The following ZNF277 variants were observed in gnomAD, a reference collection of about 807,000 sequenced individuals.
ZNF277 encodes the protein zinc finger protein 277.
ZNF277 carries 55 observed loss-of-function variants against 60.7 expected under a neutral mutation model. The observed-to-expected ratio is 0.91, with a 90% CI of 0.73 to 1.13. The LOEUF (loss-of-function observed/expected upper bound fraction) is 1.13. ZNF277 is among the 50% of genes most tolerant of loss of function. The pLI, the probability that ZNF277 is intolerant of heterozygous loss-of-function variation, is 0.00. For missense variants in ZNF277, 510 were observed against 523.0 expected, an observed-to-expected ratio of 0.98 and a Z score of 0.24; for synonymous variants, 178 against 179.3, an observed-to-expected ratio of 0.99 and a Z score of 0.06.
At chr7:112,336,517 G>A (rs182643925) in intron 8 of ZNF277, among the ~76,000 whole-genome samples, 6 of 152,330 alleles carry the variant, frequency 3.9e-5, no homozygotes, top group South Asian at 4.1e-4. Context: ...CATTGGAATA[G>A]AGAATATAAC....
chr7:112,251,113 T>A (rs1791192137), intron 1 of ZNF277, among the ~76,000 whole-genome samples: 1 of 152,208 alleles, frequency 6.6e-6, no homozygotes, highest in Non-Finnish European at 1.5e-5. Context: ...AAATCCTGCC[T>A]AGCCTTCAAA....
At position 112,317,009 on chromosome 7, in the gene ZNF277, G is replaced by A. The variant is rs540904317; in HGVS notation, c.466-1173G>A. ...AGTTCATGTCCTTAGCAAGGACATGGATGAAGCTGGAAACCATCATTCTCA... is the reference window on the plus strand; with the variant it reads ...AGTTCATGTCCTTAGCAAGGACATGAATGAAGCTGGAAACCATCATTCTCA... On this transcript the variant is annotated intron_variant, in intron 4 of 11. Coordinates refer to ENST00000361822, the MANE Select transcript of ZNF277 (RefSeq NM_021994.3). 3.3e-5 allele frequency among the ~76,000 whole-genome samples: 5 copies of A among 152,174 alleles called. No homozygotes were observed. The East Asian group carries it at 7.7e-4, about 23-fold the overall frequency.
At chr7:112,313,962 T>G (rs901972983) in intron 4 of ZNF277, among the ~76,000 whole-genome samples, 5 of 152,128 alleles carry the variant, frequency 3.3e-5, no homozygotes, top group African/African-American at 9.7e-5. Flanking sequence ...CTATAAGAAA[T>G]TGTGTGCATG....
At chr7:112,273,089 C>G (rs555300596) in intron 1 of ZNF277, among the ~76,000 whole-genome samples, 8 of 152,178 alleles carry the variant, frequency 5.3e-5, no homozygotes, top group Non-Finnish European at 1.0e-4. Flanking sequence ...GGGTCACATG[C>G]TCCCCACATC....
At chr7:112,312,538 C>T (rs1008971131) in intron 4 of ZNF277, among the ~76,000 whole-genome samples, 37 of 152,000 alleles carry the variant, frequency 2.4e-4, no homozygotes, top group African/African-American at 8.7e-4. Flanking sequence ...AAAGCATCAT[C>T]GTATCTGCAA....
At chr7:112,339,915 G>A (rs1438590651) in intron 10 of ZNF277, 30 bp downstream of exon 10, 14 of 1,601,536 alleles carry the variant, frequency 8.7e-6, no homozygotes, top group Non-Finnish European at 1.1e-5. Flanking sequence ...TTTTTTCTGT[G>A]ATGCTTCATT....
chr7:112,280,786 C>T (rs550626985), intron 1 of ZNF277, among the ~76,000 whole-genome samples: 13 of 152,132 alleles, frequency 8.5e-5, no homozygotes, highest in South Asian at 4.2e-4. Flanking sequence ...CCACCACGCC[C>T]GGCTAATTTT....
At chr7:112,342,522 C>A in intron 11 of ZNF277, 39 bp from the exon 12 acceptor site, 1 of 1,502,924 alleles carries the variant, frequency 6.7e-7, no homozygotes, top group Non-Finnish European at 9.0e-7. Flanking sequence ...ACTGTATTAG[C>A]TTGGTAATTT....
intron 1 of ZNF277, among the ~76,000 whole-genome samples, chr7:112,227,690 C>A (rs1258613938): frequency 6.6e-6 from 1 of 151,932 alleles, no homozygotes; most frequent in Non-Finnish European, 1.5e-5. Flanking sequence ...AATATTGTAA[C>A]CCTCATTATA....
intron 7 of ZNF277, among the ~76,000 whole-genome samples, chr7:112,334,601 C>T (rs1793294830): frequency 6.6e-6 from 1 of 152,226 alleles, no homozygotes; most frequent in East Asian, 1.9e-4. Context: ...TAACTCTCTA[C>T]ATATTGTACT....
At chr7:112,300,400 C>G (rs552027096) in intron 4 of ZNF277, among the ~76,000 whole-genome samples, 1 of 152,142 alleles carries the variant, frequency 6.6e-6, no homozygotes, top group Non-Finnish European at 1.5e-5. Flanking sequence ...AAAATTCTCC[C>G]GTGATCTTGG....
chr7:112,274,351 C>T (rs1012414195), intron 1 of ZNF277, among the ~76,000 whole-genome samples: 6 of 151,896 alleles, frequency 4.0e-5, no homozygotes, highest in African/African-American at 1.2e-4. Context: ...AAGACTGAGT[C>T]TTGCCATGTT....
intron 5 of ZNF277, among the ~76,000 whole-genome samples, chr7:112,319,639 T>C (rs138926809): frequency 5.1e-4 from 75 of 147,744 alleles, no homozygotes; most frequent in Admixed American, 3.2e-3. Flanking sequence ...ATTTATAAAT[T>C]ATAATTTATA....
At chr7:112,269,401 A>T (rs1169006148) in intron 1 of ZNF277, among the ~76,000 whole-genome samples, 1 of 151,870 alleles carries the variant, frequency 6.6e-6, no homozygotes, top group Non-Finnish European at 1.5e-5. Context: ...TTTTGGGGGG[A>T]ATAAATTATT....
At chr7:112,306,001 C>A (rs1360759708) in intron 4 of ZNF277, among the ~76,000 whole-genome samples, 1 of 152,060 alleles carries the variant, frequency 6.6e-6, no homozygotes, top group Non-Finnish European at 1.5e-5. Flanking sequence ...CTTTGTGATA[C>A]CTTTGTATCA....
chr7:112,271,771 C>T (rs958029346), intron 1 of ZNF277, among the ~76,000 whole-genome samples: 4 of 151,330 alleles, frequency 2.6e-5, no homozygotes, highest in Admixed American at 1.3e-4. Flanking sequence ...TCCTCTGATG[C>T]TTCTGACATT....
chr7:112,308,982 A>G (rs1488302790), intron 4 of ZNF277, among the ~76,000 whole-genome samples: 1 of 152,048 alleles, frequency 6.6e-6, no homozygotes, highest in African/African-American at 2.4e-5. Context: ...CTATTTGTTC[A>G]GATTCTTCTG....
chr7:112,270,534 C>A (rs997367551), intron 1 of ZNF277, among the ~76,000 whole-genome samples: 10 of 152,088 alleles, frequency 6.6e-5, no homozygotes, highest in South Asian at 2.1e-4. Flanking sequence ...TGAACCAATA[C>A]AACTTATATT....
intron 1 of ZNF277, among the ~76,000 whole-genome samples, chr7:112,278,114 T>G (rs563640514): frequency 3.5e-4 from 53 of 152,350 alleles, no homozygotes; most frequent in African/African-American, 1.1e-3. Flanking sequence ...TCACTTTTCC[T>G]TATGTCTGTA....
Sources: allele counts gnomAD v4.1 joint callset (sites outside exome capture counted in the v4.1 genomes callset), GRCh38; gene constraint gnomAD v4.1.1; transcripts MANE v1.5; gene names NCBI Gene and HGNC (gene_info 2026-07-23, HGNC 2026-07-21).